Variants in CRAMP1 observed in about 807,000 individuals in gnomAD.
The protein encoded by CRAMP1 is protein cramped-like.
CRAMP1 carries 50 observed loss-of-function variants against 115.4 expected under a neutral mutation model. That is an observed-to-expected ratio of 0.43 (90% CI 0.35 to 0.55). CRAMP1 has a LOEUF of 0.55. Among genes scored for constraint, CRAMP1 ranks in the 20% least tolerant of loss-of-function variants. The probability of loss-of-function intolerance (pLI) is 0.01; values close to 1 mark genes in which losing one functional copy is unlikely to be tolerated. For synonymous variants in CRAMP1, 866 were observed against 745.4 expected, an observed-to-expected ratio of 1.16 and a Z score of -2.64; for missense variants, 1,679 against 1,721.7, an observed-to-expected ratio of 0.98 and a Z score of 0.44.
chr16:1,642,547 TC>T (rs1438825717), intron 6 of CRAMP1, among the ~76,000 whole-genome samples: 1 of 152,042 alleles, frequency 6.6e-6, no homozygotes, highest in Non-Finnish European at 1.5e-5. Flanking sequence ...CAGGCGCCCC[TC>T]CCAGCTTCAG....
At position 1,667,329 on chromosome 16, in the gene CRAMP1, C is replaced by A. The variant is rs377337276; in HGVS notation, c.3037-6C>A. 6.2e-7 allele frequency: 1 copy of A among 1,612,828 alleles called. No homozygotes were observed. Among genetic ancestry groups the A allele is most frequent in the African/African-American group, 1.3e-5 (1 of 74,912 alleles). ...GCGGCTGCTCATGGGCGTGCTCTTC[C>A]TGCAGGGCTCCGACCCATTTGTCAG... On this transcript the variant is annotated splice_region_variant and splice_polypyrimidine_tract_variant and intron_variant, in intron 16 of 20. Coordinates refer to ENST00000397412, the MANE Select transcript of CRAMP1 (RefSeq NM_020825.4).
In CRAMP1 at chr16:1,640,827, G is replaced by A. The variant is rs542469335; in HGVS notation, c.779-312G>A. On this transcript the variant is annotated intron_variant, in intron 5 of 20. Coordinates refer to ENST00000397412, the MANE Select transcript of CRAMP1 (RefSeq NM_020825.4). ...AGATAGGGATGAGTGGAAGGCCGGCGCTGGGGGACCTAGGAGGGAGCTCTT... is the reference window on the plus strand; with the variant it reads ...AGATAGGGATGAGTGGAAGGCCGGCACTGGGGGACCTAGGAGGGAGCTCTT... 3.3e-5 allele frequency among the ~76,000 whole-genome samples: 5 copies of A among 152,004 alleles called. No individual in the cohort carries two copies. The South Asian group carries it at 8.3e-4, about 25-fold the overall frequency.
At chr16:1,662,359 T>A in intron 11 of CRAMP1, 131 bp from the exon 12 acceptor site, 2 of 692,482 alleles carry the variant, frequency 2.9e-6, no homozygotes, top group South Asian at 3.5e-5. Context: ...GATAGAGGTG[T>A]CTCCTTTCAA....
At chr16:1,670,258 C>A (rs2036910602) in intron 19 of CRAMP1, among the ~76,000 whole-genome samples, 1 of 150,840 alleles carries the variant, frequency 6.6e-6, no homozygotes, top group African/African-American at 2.4e-5. Flanking sequence ...CGAGACCCTG[C>A]CTTTAAAAAA....
Position 1,674,202 on chromosome 16 carries a change from G to A in CRAMP1, c.*157G>A. On this transcript the variant is annotated 3_prime_UTR_variant, in exon 21 of 21. Transcript: ENST00000397412. The stretch of plus-strand genomic sequence containing the variant: ...CAGAGCTGCTTCCCCACGAGCAGCA[G>A]GCAACGGCGTCCAAGGAGACTAGGA... The A allele has an allele frequency of 1.4e-6, 1 of 701,938 alleles. No individual in the cohort carries two copies. The highest frequency in any genetic ancestry group is 1.9e-5 in the South Asian group (1 of 52,786). The allele number at this position is 701,938 out of a possible 1,614,324, so 43.5% of individuals were successfully genotyped here.
chr16:1,624,184 A>G (rs2036488597), intron 2 of CRAMP1, among the ~76,000 whole-genome samples: 1 of 143,532 alleles, frequency 7.0e-6, no homozygotes, highest in African/African-American at 2.6e-5. Flanking sequence ...CCTGAGTCTC[A>G]CTCTGTTGCC....
At chr16:1,612,774 C>G (rs1238957662) in intron 1 of CRAMP1, among the ~76,000 whole-genome samples, 117 bp downstream of exon 1, 3 of 152,076 alleles carry the variant, frequency 2.0e-5, no homozygotes, top group Non-Finnish European at 4.4e-5. Context: ...ACAGCCACAA[C>G]TGGCCTCAGG....
chr16:1,640,369 C>A (rs2036621996), intron 5 of CRAMP1, among the ~76,000 whole-genome samples: 1 of 152,192 alleles, frequency 6.6e-6, no homozygotes, highest in Admixed American at 6.5e-5. Context: ...GGTCAGTGGT[C>A]ATCTATGCCC....
intron 18 of CRAMP1, 35 bp downstream of exon 18, chr16:1,668,228 A>G: frequency 6.9e-7 from 1 of 1,447,882 alleles, no homozygotes; most frequent in South Asian, 1.1e-5. Context: ...CCTTCCTGTC[A>G]TCAGGTGTTG....
Position 1,666,147 on chromosome 16 carries a change from C to G in CRAMP1, c.2827C>G (p.Leu943Val). ...GTCTCGGCCGATCGTGCCCAAGGTCCTTCCACCCCAGGCCACGAGTCACCT... is the reference window on the plus strand; with the variant it reads ...GTCTCGGCCGATCGTGCCCAAGGTCGTTCCACCCCAGGCCACGAGTCACCT... Reference protein sequence around the residue: ...ALSRPIVPKVLPPQATSHLAS... With the variant: ...ALSRPIVPKVVPPQATSHLAS... Residue 943 changes from leucine to valine, a missense_variant, in exon 15 of 21, where the codon CTT (leucine) becomes GTT (valine). This residue lies in a region of CRAMP1 where 709 missense variants were observed against 741.9 expected (regional missense o/e 0.96). Transcript: ENST00000397412. The surrounding 1 kb of genome is among the most constrained non-coding windows in gnomAD (Gnocchi z 5.0). 6.2e-7 allele frequency: 1 copy of G among 1,610,298 alleles called. No homozygotes were observed. Among genetic ancestry groups the G allele is most frequent in the African/African-American group, 1.3e-5 (1 of 74,976 alleles).
Position 1,676,607 on chromosome 16 carries a change from T to G in CRAMP1, c.*2562T>G, listed in dbSNP as rs2036970634. 1 of 152,248 alleles carries G rather than the reference T, an allele frequency of 6.6e-6. No individual in the cohort carries two copies. The highest frequency in any genetic ancestry group is 2.4e-5 in the African/African-American group (1 of 41,462). 9.4% of individuals were successfully genotyped at this position (152,248 alleles called of 1,614,324 possible). A position where few individuals can be genotyped will look rare whatever the true frequency, so the allele number is the denominator to read the frequency against. ...GCTTCCTTTGTGCATTTGAGCATGCTGTAATTAAGATGAGATCAGTTTCTT... is the reference window on the plus strand; with the variant it reads ...GCTTCCTTTGTGCATTTGAGCATGCGGTAATTAAGATGAGATCAGTTTCTT... On this transcript the variant is annotated 3_prime_UTR_variant, in exon 21 of 21. Transcript: ENST00000397412.
At chr16:1,634,190 C>T (rs745420190) in intron 4 of CRAMP1, among the ~76,000 whole-genome samples, 11 of 152,108 alleles carry the variant, frequency 7.2e-5, no homozygotes, top group Non-Finnish European at 1.2e-4. Context: ...CCAGGAGCTT[C>T]GGTCTAGTGT....
intron 5 of CRAMP1, among the ~76,000 whole-genome samples, chr16:1,640,562 T>C (rs368568043): frequency 6.6e-6 from 1 of 152,220 alleles, no homozygotes; most frequent in African/African-American, 2.4e-5. Flanking sequence ...GTTAACGTAC[T>C]GTAGCTGCTT....
intron 3 of CRAMP1, among the ~76,000 whole-genome samples, chr16:1,629,741 T>C (rs2142176156): frequency 6.6e-6 from 1 of 152,320 alleles, no homozygotes; most frequent in South Asian, 2.1e-4. Flanking sequence ...GCCTTTCACG[T>C]GCTGCTTCGC....
intron 5 of CRAMP1, among the ~76,000 whole-genome samples, chr16:1,638,593 C>T (rs2036607370): frequency 6.6e-6 from 1 of 152,194 alleles, no homozygotes; most frequent in South Asian, 2.1e-4. Context: ...CGCTTGTGCC[C>T]AGCGCCCCTC....
rs553638328 is a variant in CRAMP1, at chr16:1,656,481, A to T, written c.1724A>T (p.Glu575Val). 26 of 1,578,620 alleles carry T rather than the reference A, an allele frequency of 1.6e-5. No individual in the cohort carries two copies. In the African/African-American group the frequency reaches 3.4e-4, roughly 21 times the overall value. ...LKSCQDLIVP[E>V]QCRCADTRPG... The stretch of plus-strand genomic sequence containing the variant: ...TCCTGTCAGGACCTCATTGTCCCCG[A>T]GCAGTGCCGCTGTGCGGACACACGG... The change falls in exon 10 of 21, where the codon GAG becomes GTG. Residue 575 changes from glutamate (E) to valine (V), a missense_variant. This residue lies in a region of CRAMP1 where 405 missense variants were observed against 302.6 expected (regional missense o/e 1.34). Transcript: ENST00000397412. The surrounding 1 kb of genome is among the most constrained non-coding windows in gnomAD (Gnocchi z 5.6).
Position 1,655,927 on chromosome 16 carries a change from G to T in CRAMP1, c.1170G>T (p.Met390Ile), listed in dbSNP as rs372570796. 6.2e-6 allele frequency: 10 copies of T among 1,612,992 alleles called. No individual in the cohort carries two copies. The highest frequency in any genetic ancestry group is 8.5e-6 in the Non-Finnish European group (10 of 1,179,842). Residue 390 changes from methionine to isoleucine, a missense_variant, in exon 10 of 21, where the codon ATG (methionine) becomes ATT (isoleucine). Around this residue, in one of 8 missense-constraint regions of CRAMP1, gnomAD observed 191 missense variants for 236.2 expected, o/e 0.81. Coordinates refer to ENST00000397412, the MANE Select transcript of CRAMP1 (RefSeq NM_020825.4). ...TGCAGGACTCATGCTCCGCACCGATGCAGGAGAAGGTGACACTGCACTTGT... is the reference window on the plus strand; with the variant it reads ...TGCAGGACTCATGCTCCGCACCGATTCAGGAGAAGGTGACACTGCACTTGT... ...RQLQDSCSAP[M>I]QEKVTLHLFP... is the part of the protein sequence containing the mutation.
At chr16:1,663,444 A>T (rs1182017391) in intron 13 of CRAMP1, among the ~76,000 whole-genome samples, 5 of 152,196 alleles carry the variant, frequency 3.3e-5, no homozygotes, top group Admixed American at 1.3e-4. Context: ...TACAAATGAG[A>T]CATTGCATGA....
In CRAMP1 at chr16:1,676,652, C is replaced by T. The variant is rs2036970915; in HGVS notation, c.*2607C>T. On this transcript the variant is annotated 3_prime_UTR_variant, in exon 21 of 21. Transcript: ENST00000397412. Reference sequence around the variant, plus strand: ...TTTCTTAGAAAAAGCTTTCCTGAATCCCTCTGACGTTGCCTGGGATCTTTC... The same window carrying T: ...TTTCTTAGAAAAAGCTTTCCTGAATTCCTCTGACGTTGCCTGGGATCTTTC... 6.6e-6 allele frequency: 1 copy of T among 152,258 alleles called. No individual in the cohort carries two copies. The highest frequency in any genetic ancestry group is 6.5e-5 in the Admixed American group (1 of 15,284). 9.4% of individuals were successfully genotyped at this position (152,258 alleles called of 1,614,324 possible). A position where few individuals can be genotyped will look rare whatever the true frequency, so the allele number is the denominator to read the frequency against.
Sources: allele counts gnomAD v4.1 joint callset (sites outside exome capture counted in the v4.1 genomes callset), GRCh38; gene constraint gnomAD v4.1.1; regional missense constraint gnomAD v4.1.1; non-coding constraint Gnocchi (gnomAD v3.1); transcripts MANE v1.5; gene names NCBI Gene and HGNC (gene_info 2026-07-23, HGNC 2026-07-21).